COG5: variants seen among roughly 807,000 people sequenced by gnomAD.
COG5 encodes the protein conserved oligomeric Golgi complex subunit 5.
Under a neutral mutation model 110.4 loss-of-function variants are expected in COG5, and 86 were observed. That is an observed-to-expected ratio of 0.78 (90% CI 0.65 to 0.93). The LOEUF (loss-of-function observed/expected upper bound fraction) is 0.93. COG5 is among the 40% of genes least tolerant of loss of function. COG5 has a pLI of 0.00. For synonymous variants in COG5, 360 were observed against 334.6 expected (o/e 1.08, Z -0.83); for missense variants, 1,077 against 987.0 (o/e 1.09, Z -1.22).
Position 107,527,258 on chromosome 7 carries a change from C to T in COG5, c.517G>A (p.Ala173Thr). The T allele has an allele frequency of 6.3e-7, 1 of 1,599,356 alleles. No homozygotes were observed. The highest frequency in any genetic ancestry group is 8.5e-7 in the Non-Finnish European group (1 of 1,171,698). The change falls in exon 6 of 22, where the codon GCT becomes ACT. Residue 173 changes from alanine (A) to threonine (T), a missense_variant. Transcript: ENST00000297135. ...QGGSREITKA[A>T]QSLNELDYLS... is the part of the protein sequence containing the mutation. ...TTACCAAGTTCATTGAGACTCTGAG[C>T]AGCTTTTGTTATCTCTCTACTTCCC...
chr7:107,452,648 G>C (rs1400836648), intron 6 of COG5, among the ~76,000 whole-genome samples: 1 of 152,054 alleles, frequency 6.6e-6, no homozygotes, highest in Non-Finnish European at 1.5e-5. Flanking sequence ...TCTCTTCCTT[G>C]CCTTTCCCCA....
chr7:107,409,544 T>C (rs970632776), intron 7 of COG5, among the ~76,000 whole-genome samples: 9 of 152,188 alleles, frequency 5.9e-5, no homozygotes, highest in African/African-American at 2.2e-4. Flanking sequence ...GACTAGGAAA[T>C]AGTTACATAA....
chr7:107,302,079 T>C (rs1037644936), intron 11 of COG5, among the ~76,000 whole-genome samples: 5 of 152,244 alleles, frequency 3.3e-5, no homozygotes, highest in Admixed American at 6.5e-5. Flanking sequence ...TAAGGAATTG[T>C]ACCTGAACAT....
chr7:107,263,023 A>G lies in COG5; in HGVS notation c.1576-4640T>C, dbSNP rs181503334. Among the ~76,000 whole-genome samples the G allele has an allele frequency of 3.0e-3, 456 of 152,264 alleles. 1 individual carries two copies. The highest frequency in any genetic ancestry group is 0.014 in the Middle Eastern group (4 of 294). ...TGCTTGGTTCCTTCCCCCAACCTCTAGTCTATCTCAGTACTGGCTAGGGGC... is the reference window on the plus strand; with the variant it reads ...TGCTTGGTTCCTTCCCCCAACCTCTGGTCTATCTCAGTACTGGCTAGGGGC... On this transcript the variant is annotated intron_variant, in intron 14 of 21. Transcript: ENST00000297135.
chr7:107,385,706 G>A (rs1455127980), intron 7 of COG5, among the ~76,000 whole-genome samples: 3 of 152,030 alleles, frequency 2.0e-5, no homozygotes, highest in African/African-American at 7.2e-5. Flanking sequence ...GAGGTTAGGA[G>A]AAGAGGGCAA....
At chr7:107,301,799 G>C (rs754376051) in intron 11 of COG5, among the ~76,000 whole-genome samples, 18 of 152,220 alleles carry the variant, frequency 1.2e-4, no homozygotes, top group South Asian at 6.2e-4. Context: ...AATCCAGGAG[G>C]TGGAGGTTGC....
At chr7:107,321,173 T>C (rs902558580) in intron 11 of COG5, among the ~76,000 whole-genome samples, 2 of 152,096 alleles carry the variant, frequency 1.3e-5, no homozygotes, top group African/African-American at 2.4e-5. Flanking sequence ...TTCTCTATTT[T>C]AAAAATCAAC....
intron 19 of COG5, among the ~76,000 whole-genome samples, chr7:107,229,659 C>A (rs970547081): frequency 1.3e-5 from 2 of 152,072 alleles, no homozygotes; most frequent in African/African-American, 4.8e-5. Flanking sequence ...ACTTTTCTCT[C>A]TATTATACTG....
chr7:107,550,291 T>C (rs1238473878), intron 3 of COG5, among the ~76,000 whole-genome samples: 1 of 151,786 alleles, frequency 6.6e-6, no homozygotes, highest in Non-Finnish European at 1.5e-5. Context: ...ACTTCAACTA[T>C]TCTAATAGCT....
At chr7:107,395,412 C>T (rs777483969) in intron 7 of COG5, among the ~76,000 whole-genome samples, 1 of 152,016 alleles carries the variant, frequency 6.6e-6, no homozygotes, top group Non-Finnish European at 1.5e-5. Flanking sequence ...GATGCAAAGT[C>T]AACTCAAGCA....
At chr7:107,277,263 A>T (rs1804771777) in intron 14 of COG5, among the ~76,000 whole-genome samples, 1 of 152,232 alleles carries the variant, frequency 6.6e-6, no homozygotes, top group Non-Finnish European at 1.5e-5. Context: ...CAAGCTACAG[A>T]TCAGAAATAA....
intron 6 of COG5, among the ~76,000 whole-genome samples, chr7:107,506,216 C>A (rs1476083608): frequency 1.3e-5 from 2 of 152,150 alleles, no homozygotes; most frequent in African/African-American, 4.8e-5. Context: ...GTTAGTTGGC[C>A]TCCAGCCAGG....
At chr7:107,446,356 G>A (rs1795004945) in intron 6 of COG5, among the ~76,000 whole-genome samples, 1 of 152,132 alleles carries the variant, frequency 6.6e-6, no homozygotes, top group Non-Finnish European at 1.5e-5. Context: ...TTACACTGCA[G>A]ACCTGGGATT....
At chr7:107,394,650 C>A (rs1317508197) in intron 7 of COG5, among the ~76,000 whole-genome samples, 5 of 152,100 alleles carry the variant, frequency 3.3e-5, no homozygotes, top group Non-Finnish European at 4.4e-5. Flanking sequence ...ATGAGATAAC[C>A]TTTGTGAGCA....
At chr7:107,235,833 A>T (rs899468477) in intron 18 of COG5, among the ~76,000 whole-genome samples, 9 of 152,216 alleles carry the variant, frequency 5.9e-5, no homozygotes, top group South Asian at 2.1e-4. Context: ...AAATCTGTCT[A>T]AAGGACAAAG....
chr7:107,486,726 TG>T (rs1415942071), intron 6 of COG5, among the ~76,000 whole-genome samples: 1 of 151,898 alleles, frequency 6.6e-6, no homozygotes, highest in African/African-American at 2.4e-5. Context: ...CTCAAGCAAA[TG>T]TAAGAATTTA....
intron 6 of COG5, among the ~76,000 whole-genome samples, chr7:107,415,977 C>CTGTGTGTGTATGTGTGT (rs1792796567): frequency 2.6e-5 from 3 of 113,324 alleles, no homozygotes; most frequent in Admixed American, 2.5e-4. Flanking sequence ...CACACATACA[C>CTGTGTGTGTATGTGTGT]GTATGTATAT....
At chr7:107,374,227 CT>C (rs1416498770) in intron 7 of COG5, among the ~76,000 whole-genome samples, 3 of 151,950 alleles carry the variant, frequency 2.0e-5, no homozygotes, top group Admixed American at 6.6e-5. Flanking sequence ...TTTGCTTTTA[CT>C]TTCTCCCAAG....
At chr7:107,542,816 A>G (rs542965213) in intron 5 of COG5, among the ~76,000 whole-genome samples, 1 of 152,190 alleles carries the variant, frequency 6.6e-6, no homozygotes, top group Non-Finnish European at 1.5e-5. Flanking sequence ...TAAAAACACA[A>G]CAAAAAAATA....
Sources: gnomAD v4.1 joint callset for allele counts (sites outside exome capture counted in the v4.1 genomes callset) on GRCh38, gnomAD v4.1.1 for gene constraint, MANE v1.5 for transcripts, NCBI Gene and HGNC (gene_info 2026-07-23, HGNC 2026-07-21) for gene names.